The following FSTL4 variants were observed in gnomAD, a reference collection of about 807,000 sequenced individuals.
FSTL4 encodes follistatin-related protein 4.
FSTL4 carries 28 observed loss-of-function variants against 78.2 expected under a neutral mutation model. The observed-to-expected ratio is 0.36, with a 90% confidence interval of 0.27 to 0.49. The LOEUF is 0.49. Among genes scored for constraint, FSTL4 ranks in the 20% least tolerant of loss-of-function variants. FSTL4 has a pLI of 0.98. For missense variants in FSTL4, 922 were observed against 1,084.9 expected (o/e 0.85, Z 2.11); for synonymous variants, 422 against 440.5 (o/e 0.96, Z 0.53).
chr5:133,486,953 T>C (rs976518176), intron 3 of FSTL4, among the ~76,000 whole-genome samples: 1 of 152,172 alleles, frequency 6.6e-6, no homozygotes, highest in African/African-American at 2.4e-5. Flanking sequence ...CCACCTGACA[T>C]GTGACACTGG....
Position 133,394,777 on chromosome 5 carries a change from C to T in FSTL4, c.409+5961G>A, listed in dbSNP as rs1032605195. Among the ~76,000 whole-genome samples, 6 of 152,314 alleles carry T rather than the reference C, an allele frequency of 3.9e-5. No individual in the cohort carries two copies. In the East Asian group the frequency reaches 5.8e-4, roughly 15 times the overall value. On this transcript the variant is annotated intron_variant, in intron 4 of 15. Transcript: ENST00000265342. Reference sequence around the variant, plus strand: ...CTGGCAGGCAGCTCCACCTGCAGCCCGGTGAGGGATCCACTAGGTGAAGCC... The same window carrying T: ...CTGGCAGGCAGCTCCACCTGCAGCCTGGTGAGGGATCCACTAGGTGAAGCC...
At chr5:133,627,151 CTTTTTT>C in the FSTL4 span, among the ~76,000 whole-genome samples, 2 of 93,000 alleles carry the variant, frequency 2.2e-5, no homozygotes, top group African/African-American at 4.5e-5. Context: ...CTCTGTGTCT[CTTTTTT>C]TTTTTTTTTT....
chr5:133,451,716 T>C (rs1165363489), intron 3 of FSTL4, among the ~76,000 whole-genome samples: 1 of 152,138 alleles, frequency 6.6e-6, no homozygotes, highest in Non-Finnish European at 1.5e-5. Context: ...AGCAGCCTCA[T>C]CTCAGAGATG....
the FSTL4 span, among the ~76,000 whole-genome samples, chr5:133,633,845 T>C: frequency 1.3e-5 from 2 of 151,944 alleles, no homozygotes; most frequent in Non-Finnish European, 2.9e-5. Flanking sequence ...ATACTTAGTG[T>C]CCGTTGAACT....
At chr5:133,621,735 C>T in the FSTL4 span, among the ~76,000 whole-genome samples, 1 of 151,860 alleles carries the variant, frequency 6.6e-6, no homozygotes. Flanking sequence ...CCACCTGTAT[C>T]CCAACAACTT....
intron 3 of FSTL4, among the ~76,000 whole-genome samples, chr5:133,495,239 C>T (rs987503870): frequency 3.3e-5 from 5 of 152,076 alleles, no homozygotes; most frequent in Non-Finnish European, 4.4e-5. Flanking sequence ...CAGGCCTCTG[C>T]GGGGAAGGGC....
intron 6 of FSTL4, among the ~76,000 whole-genome samples, chr5:133,277,011 T>C (rs924408916): frequency 6.6e-6 from 1 of 152,146 alleles, no homozygotes; most frequent in African/African-American, 2.4e-5. Context: ...CTCTGTGATA[T>C]TAGAAAGACA....
intron 2 of FSTL4, among the ~76,000 whole-genome samples, chr5:133,570,962 G>A (rs1223773046): frequency 6.6e-6 from 1 of 152,082 alleles, no homozygotes; most frequent in Non-Finnish European, 1.5e-5. Flanking sequence ...CAGAAAATGA[G>A]GGTCAGAAAC....
chr5:133,695,286 A>T, the FSTL4 span, among the ~76,000 whole-genome samples: 2 of 152,088 alleles, frequency 1.3e-5, no homozygotes, highest in African/African-American at 4.8e-5. Context: ...GTTAACCTCA[A>T]CTGTGCATAC....
chr5:133,756,295 G>A, the FSTL4 span, among the ~76,000 whole-genome samples: 5 of 151,850 alleles, frequency 3.3e-5, no homozygotes, highest in African/African-American at 1.2e-4. Flanking sequence ...GAGGTGGAGG[G>A]GACAGTAGCA....
chr5:133,226,384 C>T (rs1751332593), intron 8 of FSTL4, among the ~76,000 whole-genome samples: 1 of 152,108 alleles, frequency 6.6e-6, no homozygotes, highest in South Asian at 2.1e-4. Flanking sequence ...AGCCATGGGC[C>T]CTGGCAGTCA....
the FSTL4 span, among the ~76,000 whole-genome samples, chr5:133,680,799 A>G: frequency 5.3e-5 from 8 of 152,370 alleles, no homozygotes; most frequent in African/African-American, 1.9e-4. Context: ...AACAGCTGCC[A>G]TCTGCAAGGA....
At chr5:133,820,485 T>C in the FSTL4 span, among the ~76,000 whole-genome samples, 5 of 152,222 alleles carry the variant, frequency 3.3e-5, no homozygotes, top group Non-Finnish European at 7.3e-5. Flanking sequence ...GGTACCCGCA[T>C]AACCTCCTTA....
rs538812412 is a variant in FSTL4 at position 133,281,838 on chromosome 5, T to TG, written c.727+30815dup. ...TCTCAAAGGAGCAGGTCATGGGGTT[T>TG]GGGTCAGGACTTCTGGGGAGTGTGG... On this transcript the variant is annotated intron_variant, in intron 6 of 15. Coordinates refer to ENST00000265342, the MANE Select transcript of FSTL4 (RefSeq NM_015082.2). 5.3e-5 allele frequency among the ~76,000 whole-genome samples: 8 copies of TG among 152,166 alleles called. No individual in the cohort carries two copies. The South Asian group carries it at 1.7e-3, about 32-fold the overall frequency.
At chr5:133,730,880 C>A in the FSTL4 span, among the ~76,000 whole-genome samples, 1 of 152,186 alleles carries the variant, frequency 6.6e-6, no homozygotes, top group South Asian at 2.1e-4. Context: ...GTGAGAAATA[C>A]AACCAAGAAT....
the FSTL4 span, among the ~76,000 whole-genome samples, chr5:133,715,818 C>T: frequency 6.6e-6 from 1 of 152,216 alleles, no homozygotes; most frequent in Non-Finnish European, 1.5e-5. Flanking sequence ...GACTCTCATG[C>T]AGCCCACACC....
At chr5:133,577,720 A>G (rs1053711212) in intron 2 of FSTL4, among the ~76,000 whole-genome samples, 4 of 152,160 alleles carry the variant, frequency 2.6e-5, no homozygotes, top group African/African-American at 9.7e-5. Flanking sequence ...CCTGGGCAAC[A>G]TAGTGAAACC....
At chr5:133,526,654 G>T (rs1759106781) in intron 3 of FSTL4, among the ~76,000 whole-genome samples, 2 of 152,172 alleles carry the variant, frequency 1.3e-5, no homozygotes. Context: ...AACATTTGCG[G>T]ACGAGTTGTG....
the FSTL4 span, among the ~76,000 whole-genome samples, chr5:133,642,172 G>T: frequency 1.3e-5 from 2 of 152,110 alleles, no homozygotes; most frequent in African/African-American, 4.8e-5. Context: ...AGAGGGGCAG[G>T]GTTTTTCTGG....
Sources: allele counts gnomAD v4.1 joint callset (sites outside exome capture counted in the v4.1 genomes callset), GRCh38; gene constraint gnomAD v4.1.1; transcripts MANE v1.5; gene names NCBI Gene and HGNC (gene_info 2026-07-23, HGNC 2026-07-21).